The following SETBP1 variants were observed in gnomAD, a reference collection of about 807,000 sequenced individuals.
SETBP1 encodes SET binding protein 1.
SETBP1 carries 9 observed loss-of-function variants against 101.0 expected under a neutral mutation model. That is an observed-to-expected ratio of 0.09 (90% CI 0.05 to 0.16). The LOEUF (loss-of-function observed/expected upper bound fraction) is 0.16, where lower values mean the gene tolerates loss of function less well. Among genes scored for constraint, SETBP1 ranks in the 10% least tolerant of loss-of-function variants. SETBP1 has a pLI of 1.00. For missense variants in SETBP1, 1,858 were observed against 2,033.8 expected (o/e 0.91, Z 1.66); for synonymous variants, 818 against 788.5 (o/e 1.04, Z -0.63).
chr18:44,880,721 G>T (rs941799828), intron 3 of SETBP1, among the ~76,000 whole-genome samples: 3 of 152,106 alleles, frequency 2.0e-5, no homozygotes, highest in African/African-American at 7.2e-5. Context: ...AGGGGCAGAG[G>T]TGCCACATGT....
intron 3 of SETBP1, among the ~76,000 whole-genome samples, chr18:44,912,608 G>A (rs965363671): frequency 6.6e-6 from 1 of 151,954 alleles, no homozygotes; most frequent in South Asian, 2.1e-4. Context: ...TAGTAGAGAA[G>A]GGGTTTCATC....
At chr18:44,696,105 G>A (rs1477607708) in intron 1 of SETBP1, among the ~76,000 whole-genome samples, 4 of 152,224 alleles carry the variant, frequency 2.6e-5, no homozygotes, top group African/African-American at 9.6e-5. Flanking sequence ...AGCCCAGCTT[G>A]AGTTGCTTTG....
At chr18:44,790,732 TG>T (rs2071352265) in intron 2 of SETBP1, among the ~76,000 whole-genome samples, 1 of 152,116 alleles carries the variant, frequency 6.6e-6, no homozygotes, top group Non-Finnish European at 1.5e-5. Flanking sequence ...GTCTGGGAGG[TG>T]CTGCCTGGAT....
chr18:44,711,019 A>T (rs2069326803), intron 2 of SETBP1, among the ~76,000 whole-genome samples: 1 of 152,100 alleles, frequency 6.6e-6, no homozygotes, highest in Non-Finnish European at 1.5e-5. Flanking sequence ...ATTTTTAGCC[A>T]CGCCACGTCG....
intron 4 of SETBP1, chr18:44,986,248 C>T (rs1727643145): frequency 1.3e-5 from 2 of 152,108 alleles, no homozygotes; most frequent in Admixed American, 1.3e-4. Context: ...AGTATCTAAA[C>T]ATAGAAAAGG....
intron 5 of SETBP1, among the ~76,000 whole-genome samples, chr18:45,052,172 C>T (rs1335516181): frequency 6.6e-6 from 1 of 152,160 alleles, no homozygotes; most frequent in Non-Finnish European, 1.5e-5. Context: ...TGGTCCTTGT[C>T]CCTTAGGAAA....
chr18:44,890,541 G>T (rs544501045), intron 3 of SETBP1, among the ~76,000 whole-genome samples: 2 of 152,004 alleles, frequency 1.3e-5, no homozygotes, highest in African/African-American at 4.8e-5. Context: ...CTATGGACAC[G>T]ATATATCATC....
intron 4 of SETBP1, among the ~76,000 whole-genome samples, chr18:45,023,606 G>T (rs903336321): frequency 6.6e-6 from 1 of 152,214 alleles, no homozygotes; most frequent in African/African-American, 2.4e-5. Flanking sequence ...GCTTATTGGG[G>T]TTCCAGCGTT....
intron 3 of SETBP1, among the ~76,000 whole-genome samples, chr18:44,948,287 C>A (rs934321414): frequency 6.6e-6 from 1 of 152,122 alleles, no homozygotes; most frequent in Non-Finnish European, 1.5e-5. Flanking sequence ...CAGGATTTCA[C>A]AAAATCAGAG....
chr18:44,727,472 C>A (rs1392481990), intron 2 of SETBP1, among the ~76,000 whole-genome samples: 1 of 152,146 alleles, frequency 6.6e-6, no homozygotes, highest in Non-Finnish European at 1.5e-5. Context: ...GAGTGGCCAG[C>A]ATCACTTTTC....
chr18:44,917,892 T>A (rs114427365), intron 3 of SETBP1, among the ~76,000 whole-genome samples: 69,339 of 151,268 alleles, frequency 0.46, 16,254 homozygotes, highest in Middle Eastern at 0.52. Context: ...GAGAAGGAAA[T>A]AGAAGGGGAA....
chr18:44,967,366 T>C (rs1478559585), intron 4 of SETBP1, among the ~76,000 whole-genome samples: 1 of 152,236 alleles, frequency 6.6e-6, no homozygotes, highest in Non-Finnish European at 1.5e-5. Context: ...GCACTTGTTT[T>C]GTAGACCAAT....
intron 4 of SETBP1, among the ~76,000 whole-genome samples, chr18:44,975,715 C>G (rs542535594): frequency 9.2e-5 from 14 of 152,278 alleles, no homozygotes; most frequent in Non-Finnish European, 1.9e-4. Context: ...ATGGATCTAT[C>G]TATAAAGGAA....
At chr18:44,803,816 CTT>C (rs1296648029) in intron 2 of SETBP1, among the ~76,000 whole-genome samples, 1 of 152,058 alleles carries the variant, frequency 6.6e-6, no homozygotes, top group African/African-American at 2.4e-5. Context: ...TTAAAAGAAA[CTT>C]TTTCCTATCT....
chr18:44,905,445 G>T (rs2070151696), intron 3 of SETBP1, among the ~76,000 whole-genome samples: 1 of 152,144 alleles, frequency 6.6e-6, no homozygotes. Flanking sequence ...ACAGCTCCTA[G>T]CACTATGTCT....
At chr18:44,785,656 A>G (rs112203294) in intron 2 of SETBP1, among the ~76,000 whole-genome samples, 26 of 152,282 alleles carry the variant, frequency 1.7e-4, no homozygotes, top group African/African-American at 6.3e-4. Flanking sequence ...TTAATCTGTC[A>G]TTTTAAGACC....
chr18:44,768,120 G>A (rs191112164), intron 2 of SETBP1, among the ~76,000 whole-genome samples: 1 of 152,314 alleles, frequency 6.6e-6, no homozygotes, highest in African/African-American at 2.4e-5. Context: ...CCTGTTGTTA[G>A]TAATGTAAGA....
intron 3 of SETBP1, among the ~76,000 whole-genome samples, chr18:44,905,405 C>T (rs1157961213): frequency 1.3e-5 from 2 of 152,114 alleles, no homozygotes; most frequent in East Asian, 1.9e-4. Context: ...TGGAAGGATA[C>T]GGAATATGTA....
intron 4 of SETBP1, chr18:44,970,254 C>G (rs2071813327): frequency 6.5e-6 from 1 of 154,716 alleles, no homozygotes; most frequent in Non-Finnish European, 1.5e-5. Context: ...GAGATCCAGC[C>G]AGGCAGCCTT....
Sources: allele counts gnomAD v4.1 joint callset (sites outside exome capture counted in the v4.1 genomes callset), GRCh38; gene constraint gnomAD v4.1.1; transcripts MANE v1.5; gene names NCBI Gene and HGNC (gene_info 2026-07-23, HGNC 2026-07-21).